OCIAD1: variants seen among roughly 807,000 people sequenced by gnomAD.
OCIAD1 encodes OCIA domain-containing protein 1.
In OCIAD1, 29 loss-of-function variants were observed where a neutral mutation model predicts 38.9. That is an observed-to-expected ratio of 0.74 (90% CI 0.55 to 1.02). The LOEUF (loss-of-function observed/expected upper bound fraction) is 1.02. Among genes scored for constraint, OCIAD1 ranks in the 50% least tolerant of loss-of-function variants. The pLI, the probability that OCIAD1 is intolerant of heterozygous loss-of-function variation, is 0.00. For synonymous variants in OCIAD1, 110 were observed against 92.0 expected (o/e 1.20, Z -1.12); for missense variants, 288 against 289.6 (o/e 0.99, Z 0.04).
intron 1 of OCIAD1, among the ~76,000 whole-genome samples, chr4:48,824,135 T>G (rs889492572): frequency 6.6e-6 from 1 of 151,992 alleles, no homozygotes; most frequent in African/African-American, 2.4e-5. Context: ...AGCACCATCA[T>G]GCCCAGCTAA....
At chr4:48,842,570 T>C (rs1778634924) in intron 3 of OCIAD1, 66 bp from the exon 4 acceptor site, 4 of 977,928 alleles carry the variant, frequency 4.1e-6, no homozygotes, top group Admixed American at 2.3e-5. Flanking sequence ...TATTCATTTA[T>C]CTAATGAACT....
intron 8 of OCIAD1, among the ~76,000 whole-genome samples, chr4:48,859,752 C>T (rs1259628004): frequency 6.6e-6 from 1 of 152,112 alleles, no homozygotes; most frequent in African/African-American, 2.4e-5. Flanking sequence ...TTCACATGGT[C>T]AGAAAGTGTC....
At chr4:48,818,387 A>T (rs1777161694) in intron 1 of OCIAD1, among the ~76,000 whole-genome samples, 1 of 152,176 alleles carries the variant, frequency 6.6e-6, no homozygotes, top group Admixed American at 6.5e-5. Flanking sequence ...ACATCAGCAT[A>T]AAGGACCCCC....
chr4:48,857,303 C>G lies in OCIAD1; in HGVS notation c.638C>G (p.Ser213Cys), dbSNP rs112327139. Reference protein sequence around the residue: ...RNKNRESYEVSLTQKTDPSVR... With the variant: ...RNKNRESYEVCLTQKTDPSVR... Reference sequence around the variant, plus strand: ...AAGAACAGAGAGTCATATGAAGTATCTTTAACACAAAAGACTGACCCCTCA... The same window carrying G: ...AAGAACAGAGAGTCATATGAAGTATGTTTAACACAAAAGACTGACCCCTCA... The change falls in exon 8 of 9, where the codon TCT (serine) becomes TGT (cysteine). Residue 213 changes from serine to cysteine, a missense_variant. Transcript: ENST00000264312. 1 of 1,600,690 alleles carries G rather than the reference C, an allele frequency of 6.2e-7. No homozygotes were observed. The highest frequency in any genetic ancestry group is 8.5e-7 in the Non-Finnish European group (1 of 1,173,056).
intron 1 of OCIAD1, among the ~76,000 whole-genome samples, chr4:48,815,915 G>A (rs1345385229): frequency 6.6e-6 from 1 of 151,740 alleles, no homozygotes; most frequent in Non-Finnish European, 1.5e-5. Context: ...CTGTTCTTTG[G>A]CATCATACTG....
upstream of OCIAD1, chr4:48,805,211 G>A (rs1279487554): frequency 1.3e-5 from 2 of 152,148 alleles, no homozygotes; most frequent in Non-Finnish European, 2.9e-5. Flanking sequence ...CAGCACTAAG[G>A]AGATGAACTG....
At chr4:48,808,237 G>A (rs1300054653) in intron 1 of OCIAD1, among the ~76,000 whole-genome samples, 1 of 152,148 alleles carries the variant, frequency 6.6e-6, no homozygotes, top group African/African-American at 2.4e-5. Context: ...GGAGGCCAAG[G>A]CAGGAGGATC....
intron 8 of OCIAD1, 23 bp downstream of exon 8, chr4:48,857,388 A>C (rs368685437): frequency 6.8e-7 from 1 of 1,471,576 alleles, no homozygotes; most frequent in African/African-American, 1.4e-5. Flanking sequence ...AGTCTGAATC[A>C]CTTTACTGTT....
upstream of OCIAD1, chr4:48,830,637 T>G (rs1027399058): frequency 3.3e-5 from 5 of 152,222 alleles, no homozygotes; most frequent in Admixed American, 2.0e-4. Context: ...TAGAACTTGT[T>G]GGAAACTTGG....
At chr4:48,834,834 C>G (rs1027522644) in intron 3 of OCIAD1, among the ~76,000 whole-genome samples, 1 of 152,198 alleles carries the variant, frequency 6.6e-6, no homozygotes, top group Non-Finnish European at 1.5e-5. Context: ...ATGTTTTCAT[C>G]AGTCAGCCTG....
At position 48,838,715 on chromosome 4, in the gene OCIAD1, C is replaced by T. The variant is rs187453438; in HGVS notation, c.140-3921C>T. On this transcript the variant is annotated intron_variant, in intron 3 of 8. Transcript: ENST00000264312. ...TAGAAAAAGGTGATAAAAGCATTTACGAATTTATAAAAAAGCACTTACTAA... is the reference window on the plus strand; with the variant it reads ...TAGAAAAAGGTGATAAAAGCATTTATGAATTTATAAAAAAGCACTTACTAA... 7.4e-4 allele frequency among the ~76,000 whole-genome samples: 112 copies of T among 152,214 alleles called. 4 individuals carry two copies. In the East Asian group the frequency reaches 0.014, roughly 19 times the overall value.
intron 1 of OCIAD1, among the ~76,000 whole-genome samples, chr4:48,819,115 A>G (rs1321126826): frequency 6.6e-6 from 1 of 152,196 alleles, no homozygotes; most frequent in African/African-American, 2.4e-5. Flanking sequence ...CCCGAGACAC[A>G]TAATGGTCAG....
At chr4:48,828,203 C>T (rs1777270381), upstream of OCIAD1, among the ~76,000 whole-genome samples, 1 of 150,686 alleles carries the variant, frequency 6.6e-6, no homozygotes, top group African/African-American at 2.4e-5. Context: ...CTGTGTCTAC[C>T]TAATCTAGTG....
intron 7 of OCIAD1, chr4:48,856,133 A>G (rs1198229447): frequency 1.3e-5 from 2 of 151,892 alleles, no homozygotes; most frequent in Non-Finnish European, 2.9e-5. Context: ...TGTATAAACT[A>G]TGTTCACTAT....
At chr4:48,848,134 T>C (rs890406675) in intron 4 of OCIAD1, among the ~76,000 whole-genome samples, 2 of 152,044 alleles carry the variant, frequency 1.3e-5, no homozygotes, top group African/African-American at 4.8e-5. Context: ...CAGTTTTTCA[T>C]ACACACACAC....
chr4:48,818,162 T>C (rs1777160298), intron 1 of OCIAD1, among the ~76,000 whole-genome samples: 1 of 152,124 alleles, frequency 6.6e-6, no homozygotes, highest in Admixed American at 6.5e-5. Context: ...AGACACCTCT[T>C]ACAGGAGAGC....
chr4:48,814,526 A>G (rs1560407092), intron 1 of OCIAD1, among the ~76,000 whole-genome samples: 1 of 152,168 alleles, frequency 6.6e-6, no homozygotes, highest in Non-Finnish European at 1.5e-5. Flanking sequence ...TAATTTACAC[A>G]ACAGCATCGA....
chr4:48,850,917 T>C (rs1442124809), intron 6 of OCIAD1, among the ~76,000 whole-genome samples: 1 of 152,198 alleles, frequency 6.6e-6, no homozygotes, highest in Non-Finnish European at 1.5e-5. Context: ...TGGGAGTACA[T>C]GTTCTAGAAT....
intron 3 of OCIAD1, among the ~76,000 whole-genome samples, chr4:48,834,202 G>C (rs756883909): frequency 6.6e-6 from 1 of 151,966 alleles, no homozygotes; most frequent in Non-Finnish European, 1.5e-5. Context: ...ATGGAGCTTC[G>C]CTCTTGTTGC....
Sources: allele counts gnomAD v4.1 joint callset (sites outside exome capture counted in the v4.1 genomes callset), GRCh38; gene constraint gnomAD v4.1.1; transcripts MANE v1.5; gene names NCBI Gene and HGNC (gene_info 2026-07-23, HGNC 2026-07-21).